The following SLC7A2 variants were observed in gnomAD, a reference collection of about 807,000 sequenced individuals.
The protein encoded by SLC7A2 is cationic amino acid transporter 2.
A neutral mutation model predicts 58.9 loss-of-function variants in SLC7A2; 48 were observed. The observed-to-expected ratio is 0.82, with a 90% CI of 0.65 to 1.04. SLC7A2 has a LOEUF of 1.04. Among genes scored for constraint, SLC7A2 ranks in the 50% least tolerant of loss-of-function variants. The pLI, the probability that SLC7A2 is intolerant of heterozygous loss-of-function variation, is 0.00. For synonymous variants in SLC7A2, 363 were observed against 314.5 expected, an observed-to-expected ratio of 1.15 and a Z score of -1.63; for missense variants, 1,029 against 818.8, an observed-to-expected ratio of 1.26 and a Z score of -3.13.
At chr8:17,544,864 T>C (rs1374512710) in intron 4 of SLC7A2, among the ~76,000 whole-genome samples, 2 of 152,246 alleles carry the variant, frequency 1.3e-5, no homozygotes, top group African/African-American at 2.4e-5. Flanking sequence ...GATGAGGACA[T>C]TGATTTTTTA....
chr8:17,552,009 C>T, intron 7 of SLC7A2, 23 bp downstream of exon 7: 2 of 1,602,092 alleles, frequency 1.2e-6, no homozygotes, highest in Non-Finnish European at 1.7e-6. Flanking sequence ...GCCTTTGGGG[C>T]ACGGGCTGTT....
chr8:17,534,033 C>T lies in SLC7A2; in HGVS notation c.-22-9285C>T, dbSNP rs570919859. Reference sequence around the variant, plus strand: ...TGTGGTCTTTGGTTTTCTGTTCCTGCATTATTTTGCTGAGGATAATGGCTT... The same window carrying T: ...TGTGGTCTTTGGTTTTCTGTTCCTGTATTATTTTGCTGAGGATAATGGCTT... On this transcript the variant is annotated intron_variant, in intron 2 of 12. Coordinates refer to ENST00000494857, the MANE Select transcript of SLC7A2 (RefSeq NM_001370338.1). Among the ~76,000 whole-genome samples the T allele has an allele frequency of 4.6e-5, 7 of 152,288 alleles. No homozygotes were observed. In the South Asian group the frequency reaches 1.5e-3, roughly 32 times the overall value.
At chr8:17,548,961 A>AG in intron 5 of SLC7A2, 118 bp downstream of exon 5, 1 of 853,326 alleles carries the variant, frequency 1.2e-6, no homozygotes, top group Non-Finnish European at 1.8e-6. Flanking sequence ...GTAATTTATA[A>AG]GGAAAAAGAG....
intron 2 of SLC7A2, among the ~76,000 whole-genome samples, chr8:17,521,936 A>T (rs1191451832): frequency 6.6e-6 from 1 of 152,178 alleles, no homozygotes; most frequent in East Asian, 1.9e-4. Context: ...TTGTGTTTGG[A>T]AAGTTCTTTT....
At chr8:17,535,634 G>A (rs985529214) in intron 2 of SLC7A2, among the ~76,000 whole-genome samples, 1 of 152,208 alleles carries the variant, frequency 6.6e-6, no homozygotes, top group Non-Finnish European at 1.5e-5. Flanking sequence ...CGGGCGCGGT[G>A]GCTTACGCCT....
At chr8:17,560,594 C>A (rs1585269542) in intron 10 of SLC7A2, 61 bp downstream of exon 10, 2 of 1,403,466 alleles carry the variant, frequency 1.4e-6, no homozygotes, top group Non-Finnish European at 2.0e-6. Context: ...GTAGAGCTGG[C>A]ATGATATGAA....
At chr8:17,532,911 A>C (rs966954152) in intron 2 of SLC7A2, among the ~76,000 whole-genome samples, 8 of 151,438 alleles carry the variant, frequency 5.3e-5, no homozygotes, top group African/African-American at 1.9e-4. Context: ...TTGTTACCCC[A>C]AAACAAAACT....
intron 2 of SLC7A2, among the ~76,000 whole-genome samples, chr8:17,540,056 A>G (rs183606714): frequency 3.5e-4 from 53 of 152,298 alleles, no homozygotes; most frequent in African/African-American, 1.1e-3. Flanking sequence ...CTCCTTTCAT[A>G]TATCAGTGTG....
intron 2 of SLC7A2, among the ~76,000 whole-genome samples, chr8:17,530,993 A>G (rs1801427982): frequency 6.6e-6 from 1 of 152,258 alleles, no homozygotes; most frequent in Non-Finnish European, 1.5e-5. Flanking sequence ...AAGCGTATTT[A>G]AAATGAAGGA....
At position 17,548,744 on chromosome 8, in the gene SLC7A2, T is replaced by C; in HGVS notation, c.599T>C (p.Leu200Pro). The C allele has an allele frequency of 6.2e-7, 1 of 1,613,932 alleles. No homozygotes were observed. Among genetic ancestry groups the C allele is most frequent in the South Asian group, 1.1e-5 (1 of 91,072 alleles). Residue 200 changes from leucine (L) to proline (P), a missense_variant, in exon 5 of 13, where the codon CTC becomes CCC. Leu to Pro is a moderately conservative substitution (Grantham distance 98). Transcript: ENST00000494857. ...AAAGTCTTCACAGCTGTTAATATTC[T>C]CGTCCTTCTGTTTGTGATGGTTGCT... ...VNKVFTAVNILVLLFVMVAGF... is the reference protein window; with the variant it reads ...VNKVFTAVNIPVLLFVMVAGF...
At chr8:17,538,181 A>T (rs896992830) in intron 2 of SLC7A2, among the ~76,000 whole-genome samples, 2 of 152,182 alleles carry the variant, frequency 1.3e-5, no homozygotes, top group Non-Finnish European at 2.9e-5. Context: ...GGCAGTACTG[A>T]TTTGGTATAA....
At chr8:17,550,629 G>C (rs1435271915) in intron 6 of SLC7A2, among the ~76,000 whole-genome samples, 195 bp downstream of exon 6, 1 of 152,190 alleles carries the variant, frequency 6.6e-6, no homozygotes, top group Non-Finnish European at 1.5e-5. Flanking sequence ...TTTCCAGTTA[G>C]TAAGTTTGGG....
rs1022878431 is a variant in SLC7A2 at position 17,526,637 on chromosome 8, A to G, written c.-22-16681A>G. 2.6e-5 allele frequency among the ~76,000 whole-genome samples: 4 copies of G among 152,242 alleles called. No individual in the cohort carries two copies. In the East Asian group the frequency reaches 5.8e-4, roughly 22 times the overall value. On this transcript the variant is annotated intron_variant, in intron 2 of 12. Transcript: ENST00000494857. Reference sequence around the variant, plus strand: ...AGGAAGAGAGAAGAAGAAAGGAAAGAGGTAGTCACCTTTATTTTCAAACTG... The same window carrying G: ...AGGAAGAGAGAAGAAGAAAGGAAAGGGGTAGTCACCTTTATTTTCAAACTG...
At chr8:17,557,841 G>T (rs1802781992) in intron 8 of SLC7A2, among the ~76,000 whole-genome samples, 2 of 101,866 alleles carry the variant, frequency 2.0e-5, no homozygotes, top group African/African-American at 1.2e-4. Flanking sequence ...AAGAAAAAAA[G>T]AATTGAGTTG....
chr8:17,554,341 G>A (rs1802586744), intron 7 of SLC7A2, among the ~76,000 whole-genome samples: 2 of 152,008 alleles, frequency 1.3e-5, no homozygotes, highest in South Asian at 2.1e-4. Context: ...GTACTTATCT[G>A]TAACAGAATA....
chr8:17,525,195 A>G (rs1180158058), intron 2 of SLC7A2, among the ~76,000 whole-genome samples: 1 of 152,164 alleles, frequency 6.6e-6, no homozygotes, highest in Non-Finnish European at 1.5e-5. Context: ...CTCCCTCATT[A>G]GAAGGCCTAT....
At chr8:17,552,385 A>G (rs761878494) in intron 7 of SLC7A2, among the ~76,000 whole-genome samples, 67 of 152,216 alleles carry the variant, frequency 4.4e-4, no homozygotes, top group Non-Finnish European at 5.6e-4. Flanking sequence ...CTGAGAATGT[A>G]TGTACAGACC....
At position 17,559,596 on chromosome 8, in the gene SLC7A2, A is replaced by G. The variant is rs563084188; in HGVS notation, c.1299-732A>G. On this transcript the variant is annotated intron_variant, in intron 9 of 12. Transcript: ENST00000494857. The stretch of plus-strand genomic sequence containing the variant: ...AAAAACATAACAAAACGAAAGAAGA[A>G]AAACCATCAGATCTCATGAGAACTC... Among the ~76,000 whole-genome samples, 12 of 152,252 alleles carry G rather than the reference A, an allele frequency of 7.9e-5. 1 individual carries two copies. In the South Asian group the frequency reaches 2.1e-3, roughly 26 times the overall value.
intron 2 of SLC7A2, among the ~76,000 whole-genome samples, chr8:17,531,228 A>T (rs889928823): frequency 9.9e-5 from 15 of 152,204 alleles, no homozygotes; most frequent in Non-Finnish European, 1.6e-4. Flanking sequence ...GCGGGGAGGA[A>T]GGGAGTTTCT....
Sources: allele counts gnomAD v4.1 joint callset (sites outside exome capture counted in the v4.1 genomes callset), GRCh38; gene constraint gnomAD v4.1.1; transcripts MANE v1.5; gene names NCBI Gene and HGNC (gene_info 2026-07-23, HGNC 2026-07-21).